The following DSCAM variants were observed in gnomAD, a reference collection of about 807,000 sequenced individuals.
The protein encoded by DSCAM is cell adhesion molecule DSCAM.
DSCAM carries 47 observed loss-of-function variants against 217.7 expected under a neutral mutation model. That is an observed-to-expected ratio of 0.22 (90% CI 0.17 to 0.28). DSCAM has a LOEUF of 0.28. DSCAM is among the 10% of genes least tolerant of loss of function. The pLI is 1.00. For missense variants in DSCAM, 2,080 were observed against 2,618.3 expected (o/e 0.79, Z 4.49); for synonymous variants, 1,056 against 1,015.3 (o/e 1.04, Z -0.76).
intron 32 of DSCAM, among the ~76,000 whole-genome samples, chr21:40,015,415 C>G (rs1296956807): frequency 3.5e-5 from 2 of 57,920 alleles, no homozygotes; most frequent in Non-Finnish European, 7.4e-5. Flanking sequence ...TATCTCTTGA[C>G]TCTTTTTTTT....
chr21:40,205,076 AG>A (rs1248139427), intron 11 of DSCAM, among the ~76,000 whole-genome samples: 1 of 152,250 alleles, frequency 6.6e-6, no homozygotes, highest in Non-Finnish European at 1.5e-5. Context: ...GTTAATCAGG[AG>A]GTATTTTATG....
At chr21:40,028,450 G>C (rs910201876) in intron 32 of DSCAM, among the ~76,000 whole-genome samples, 16 of 151,848 alleles carry the variant, frequency 1.1e-4, no homozygotes, top group South Asian at 6.2e-4. Flanking sequence ...CCCCCAGCCT[G>C]GCTGCCACCT....
At chr21:40,015,703 C>T (rs1449090379) in intron 32 of DSCAM, among the ~76,000 whole-genome samples, 1 of 152,216 alleles carries the variant, frequency 6.6e-6, no homozygotes, top group Non-Finnish European at 1.5e-5. Flanking sequence ...TCTCAAAGCA[C>T]TGGGATTACA....
intron 1 of DSCAM, among the ~76,000 whole-genome samples, chr21:40,813,927 G>A (rs1019660001): frequency 6.6e-6 from 1 of 152,076 alleles, no homozygotes; most frequent in Admixed American, 6.5e-5. Flanking sequence ...TTACAGGTAT[G>A]AGCCCCTGAG....
intron 1 of DSCAM, among the ~76,000 whole-genome samples, chr21:40,727,882 C>G (rs2090973158): frequency 6.6e-6 from 1 of 152,196 alleles, no homozygotes; most frequent in African/African-American, 2.4e-5. Flanking sequence ...CTGGGGATCC[C>G]ACCGCAGCCA....
intron 1 of DSCAM, among the ~76,000 whole-genome samples, chr21:40,822,035 A>G (rs77403493): frequency 4.0e-5 from 6 of 151,762 alleles, no homozygotes; most frequent in Admixed American, 1.3e-4. Flanking sequence ...AAAAAAAAAA[A>G]AGACCGGGCA....
intron 3 of DSCAM, among the ~76,000 whole-genome samples, chr21:40,462,226 C>A (rs1456588431): frequency 2.0e-5 from 3 of 152,096 alleles, no homozygotes; most frequent in African/African-American, 7.2e-5. Context: ...AAACAGGAAC[C>A]CAAGAGTACT....
chr21:40,264,020 T>C (rs1401041236), intron 11 of DSCAM, among the ~76,000 whole-genome samples: 2 of 151,634 alleles, frequency 1.3e-5, no homozygotes. Context: ...GAAATCCTGA[T>C]GAGACTAATA....
At chr21:40,662,185 T>C (rs2090145916) in intron 3 of DSCAM, among the ~76,000 whole-genome samples, 1 of 152,218 alleles carries the variant, frequency 6.6e-6, no homozygotes. Flanking sequence ...CTAGAATTTA[T>C]AAGCATTGAT....
intron 20 of DSCAM, among the ~76,000 whole-genome samples, chr21:40,116,227 C>T (rs899764060): frequency 6.6e-6 from 1 of 152,100 alleles, no homozygotes. Context: ...AGGATTAATA[C>T]TTGGGTGATG....
chr21:40,075,385 C>T (rs187445750), intron 26 of DSCAM, among the ~76,000 whole-genome samples, 172 bp from the exon 27 acceptor site: 7 of 152,162 alleles, frequency 4.6e-5, no homozygotes, highest in Admixed American at 4.6e-4. Context: ...TTATTTATTT[C>T]CCTCCCTCTG....
chr21:40,726,833 CATGA>C (rs2090960953), intron 1 of DSCAM, among the ~76,000 whole-genome samples: 1 of 152,022 alleles, frequency 6.6e-6, no homozygotes, highest in African/African-American at 2.4e-5. Flanking sequence ...TAGATCAATC[CATGA>C]ATGGATTGAT....
At chr21:40,631,037 C>T (rs1350036709) in intron 3 of DSCAM, among the ~76,000 whole-genome samples, 1 of 152,174 alleles carries the variant, frequency 6.6e-6, no homozygotes, top group Non-Finnish European at 1.5e-5. Flanking sequence ...CACTTTCTCC[C>T]TGTGCTTTTC....
chr21:40,766,333 A>C (rs1050510181), intron 1 of DSCAM, among the ~76,000 whole-genome samples: 11 of 150,766 alleles, frequency 7.3e-5, no homozygotes, highest in Non-Finnish European at 1.5e-4. Flanking sequence ...GTATGTGTGT[A>C]TATATATATA....
At chr21:40,434,342 T>C (rs1036531178) in intron 3 of DSCAM, among the ~76,000 whole-genome samples, 1 of 152,176 alleles carries the variant, frequency 6.6e-6, no homozygotes, top group Non-Finnish European at 1.5e-5. Context: ...GCGTCAAACA[T>C]CAGCAAATGA....
At chr21:40,460,392 C>T (rs1297840646) in intron 3 of DSCAM, among the ~76,000 whole-genome samples, 1 of 152,010 alleles carries the variant, frequency 6.6e-6, no homozygotes, top group Non-Finnish European at 1.5e-5. Flanking sequence ...TATTATTAGA[C>T]AAAAATATGG....
intron 11 of DSCAM, among the ~76,000 whole-genome samples, chr21:40,257,289 A>G (rs73225094): frequency 0.035 from 5,392 of 152,284 alleles, 147 homozygotes; most frequent in Non-Finnish European, 0.056. Flanking sequence ...TAGACTACAT[A>G]TGAAACCTAA....
intron 2 of DSCAM, among the ~76,000 whole-genome samples, chr21:40,700,182 A>T (rs1013073578): frequency 6.6e-6 from 1 of 152,260 alleles, no homozygotes; most frequent in Non-Finnish European, 1.5e-5. Context: ...GTCACAGCAC[A>T]TCTTCTTATA....
chr21:40,227,630 C>T (rs990666551), intron 11 of DSCAM, among the ~76,000 whole-genome samples: 1 of 152,132 alleles, frequency 6.6e-6, no homozygotes, highest in African/African-American at 2.4e-5. Flanking sequence ...CACTGCTACC[C>T]TTACTGGTAC....
Sources: allele counts gnomAD v4.1 joint callset (sites outside exome capture counted in the v4.1 genomes callset), GRCh38; gene constraint gnomAD v4.1.1; transcripts MANE v1.5; gene names NCBI Gene and HGNC (gene_info 2026-07-23, HGNC 2026-07-21).